The following HEMK2 variants were observed in gnomAD, a reference collection of about 807,000 sequenced individuals.
HEMK2 encodes HemK methyltransferase 2, ETF1 glutamine and histone H4 lysine.
At chr21:28,734,409 A>G in the HEMK2 span, among the ~76,000 whole-genome samples, 2 of 152,224 alleles carry the variant, frequency 1.3e-5, no homozygotes, top group African/African-American at 4.8e-5. Flanking sequence ...TGGCAAGACA[A>G]TTTTTTTAAT....
chr21:28,582,577 T>G, the HEMK2 span, among the ~76,000 whole-genome samples: 1 of 152,140 alleles, frequency 6.6e-6, no homozygotes, highest in Non-Finnish European at 1.5e-5. Context: ...GCTAAACATT[T>G]AAAGTGAGAA....
the HEMK2 span, among the ~76,000 whole-genome samples, chr21:28,802,679 T>G: frequency 8.6e-5 from 13 of 152,020 alleles, no homozygotes; most frequent in Admixed American, 2.6e-4. Flanking sequence ...TGCAGTGAGC[T>G]GAGATAACAT....
chr21:28,659,058 G>C, the HEMK2 span, among the ~76,000 whole-genome samples: 1 of 151,992 alleles, frequency 6.6e-6, no homozygotes, highest in East Asian at 1.9e-4. Context: ...GCTTTTCTTA[G>C]ATACAAACTA....
the HEMK2 span, among the ~76,000 whole-genome samples, chr21:28,826,473 C>A: frequency 6.6e-6 from 1 of 152,128 alleles, no homozygotes; most frequent in Non-Finnish European, 1.5e-5. Context: ...TCCCAGCATG[C>A]CAGAGTTATT....
the HEMK2 span, among the ~76,000 whole-genome samples, chr21:28,788,735 G>T: frequency 5.0e-3 from 758 of 150,778 alleles, 5 homozygotes; most frequent in African/African-American, 0.017. Flanking sequence ...AAATGCCACT[G>T]TCCTGGGTTG....
At chr21:28,832,407 A>T in the HEMK2 span, among the ~76,000 whole-genome samples, 58 of 152,330 alleles carry the variant, frequency 3.8e-4, no homozygotes, top group African/African-American at 1.3e-3. Context: ...AAGAGTCTCC[A>T]TTACCATTGA....
the HEMK2 span, among the ~76,000 whole-genome samples, chr21:28,830,274 G>A: frequency 2.6e-5 from 4 of 152,030 alleles, no homozygotes; most frequent in African/African-American, 9.7e-5. Flanking sequence ...GATCATGGGG[G>A]CAGATTTCTC....
the HEMK2 span, among the ~76,000 whole-genome samples, chr21:28,593,783 G>A: frequency 1.3e-5 from 2 of 152,182 alleles, no homozygotes; most frequent in Admixed American, 6.5e-5. Flanking sequence ...CCATTTAGAT[G>A]TAAATAAATG....
At chr21:28,800,192 G>A in the HEMK2 span, among the ~76,000 whole-genome samples, 41 of 152,214 alleles carry the variant, frequency 2.7e-4, no homozygotes, top group South Asian at 7.9e-3. Flanking sequence ...GCTTCCAAGT[G>A]GGCCCCTTTG....
the HEMK2 span, among the ~76,000 whole-genome samples, chr21:28,598,185 G>T: frequency 6.6e-6 from 1 of 152,164 alleles, no homozygotes; most frequent in African/African-American, 2.4e-5. Flanking sequence ...CCTGGAAGAC[G>T]AGCTCTGAGC....
the HEMK2 span, among the ~76,000 whole-genome samples, chr21:28,610,382 C>T: frequency 6.6e-6 from 1 of 152,082 alleles, no homozygotes; most frequent in Non-Finnish European, 1.5e-5. Flanking sequence ...CAAGCCAGCA[C>T]TATAAGAACT....
chr21:28,846,534 C>T, the HEMK2 span, among the ~76,000 whole-genome samples: 1 of 152,156 alleles, frequency 6.6e-6, no homozygotes, highest in African/African-American at 2.4e-5. Context: ...TTTCAATTCG[C>T]ATCTCCCTAA....
the HEMK2 span, among the ~76,000 whole-genome samples, chr21:28,788,283 C>T: frequency 2.7e-5 from 3 of 109,244 alleles, no homozygotes; most frequent in African/African-American, 2.0e-4. Flanking sequence ...CATATATACA[C>T]ACACACACAC....
At chr21:28,612,336 G>C in the HEMK2 span, among the ~76,000 whole-genome samples, 1 of 151,996 alleles carries the variant, frequency 6.6e-6, no homozygotes, top group Non-Finnish European at 1.5e-5. Flanking sequence ...AAAATCACAT[G>C]ATCATGTCAA....
At chr21:28,696,584 T>C in the HEMK2 span, among the ~76,000 whole-genome samples, 2 of 152,194 alleles carry the variant, frequency 1.3e-5, no homozygotes, top group African/African-American at 2.4e-5. Flanking sequence ...GCAAGCAGTC[T>C]GGATCTACCA....
chr21:28,837,217 G>A, the HEMK2 span, among the ~76,000 whole-genome samples: 2 of 152,102 alleles, frequency 1.3e-5, no homozygotes, highest in African/African-American at 4.8e-5. Context: ...ATACGGAACA[G>A]TTCATCCAAC....
At chr21:28,591,729 G>A in the HEMK2 span, among the ~76,000 whole-genome samples, 5 of 152,006 alleles carry the variant, frequency 3.3e-5, no homozygotes, top group Non-Finnish European at 5.9e-5. Context: ...AGGCTCCAGT[G>A]TCTGTTGTTC....
At chr21:28,586,788 C>A in the HEMK2 span, among the ~76,000 whole-genome samples, 1 of 152,122 alleles carries the variant, frequency 6.6e-6, no homozygotes, top group Admixed American at 6.5e-5. Flanking sequence ...TGGTGAGAGC[C>A]CACTTTCTGG....
chr21:28,724,072 G>A, the HEMK2 span, among the ~76,000 whole-genome samples: 4 of 152,328 alleles, frequency 2.6e-5, no homozygotes, highest in Non-Finnish European at 4.4e-5. Context: ...GGTCACACAC[G>A]TTGAGGAACC....
Sources: gnomAD v4.1 joint callset for allele counts (sites outside exome capture counted in the v4.1 genomes callset) on GRCh38, gnomAD v4.1.1 for gene constraint, MANE v1.5 for transcripts, NCBI Gene and HGNC (gene_info 2026-07-23, HGNC 2026-07-21) for gene names.